The following ARID1B variants were observed in gnomAD, a reference collection of about 807,000 sequenced individuals.
ARID1B encodes AT-rich interaction domain 1B, also known as AT-rich interactive domain-containing protein 1B.
Under a neutral mutation model 212.3 loss-of-function variants are expected in ARID1B, and 30 were observed. That is an observed-to-expected ratio of 0.14 (90% CI 0.11 to 0.19). ARID1B has a LOEUF of 0.19. Ranked by LOEUF, ARID1B falls within the 10% of genes least tolerant of loss-of-function variation. The pLI is 1.00. For missense variants in ARID1B, 2,891 were observed against 3,204.0 expected (o/e 0.90, Z 2.36); for synonymous variants, 1,402 against 1,301.7 (o/e 1.08, Z -1.66).
At chr6:156,806,496 A>G (rs1279464582) in intron 1 of ARID1B, among the ~76,000 whole-genome samples, 1 of 152,172 alleles carries the variant, frequency 6.6e-6, no homozygotes, top group South Asian at 2.1e-4. Flanking sequence ...TTAAATGGGG[A>G]TTGTTTGGTT....
At chr6:157,202,092 A>G (rs1794152911) in intron 18 of ARID1B, among the ~76,000 whole-genome samples, 1 of 152,250 alleles carries the variant, frequency 6.6e-6, no homozygotes, top group Non-Finnish European at 1.5e-5. Context: ...ATGGTATGAC[A>G]TAAAGAATAT....
At chr6:156,946,965 T>TTGG (rs1442670961) in intron 4 of ARID1B, among the ~76,000 whole-genome samples, 3 of 152,230 alleles carry the variant, frequency 2.0e-5, no homozygotes, top group Non-Finnish European at 4.4e-5. Context: ...TAAATTAGAA[T>TTGG]TGATGTTGAA....
chr6:156,994,025 G>A (rs992889577), intron 4 of ARID1B, among the ~76,000 whole-genome samples: 4 of 152,222 alleles, frequency 2.6e-5, no homozygotes, highest in Non-Finnish European at 5.9e-5. Flanking sequence ...ATGTAGGAAC[G>A]TGAAGTTTGT....
At chr6:157,000,697 T>C (rs1338888949) in intron 4 of ARID1B, among the ~76,000 whole-genome samples, 1 of 7,902 alleles carries the variant, frequency 1.3e-4, no homozygotes, top group Non-Finnish European at 1.9e-4. Flanking sequence ...CTAATTATTC[T>C]TTTTTTTTTT....
intron 4 of ARID1B, among the ~76,000 whole-genome samples, chr6:157,077,061 A>G (rs944716804): frequency 6.6e-6 from 1 of 152,232 alleles, no homozygotes; most frequent in African/African-American, 2.4e-5. Context: ...TGATTCTCAC[A>G]TGGACCTGAA....
At position 157,148,529 on chromosome 6, in the gene ARID1B, C is replaced by G; in HGVS notation, c.2762-95C>G. ...GCCTATAACGGTCATGACTAATACT[C>G]CGTGCTGATCGCATTGTTGGACAAA... On this transcript the variant is annotated intron_variant, in intron 7 of 19. Coordinates refer to ENST00000636930, the MANE Select transcript of ARID1B (RefSeq NM_001374828.1). This position sits in a 1 kb window ranked among gnomAD's most constrained non-coding sequence, Gnocchi z 5.6. The G allele has an allele frequency of 2.2e-6, 3 of 1,364,024 alleles. 1 individual carries two copies. The South Asian group carries it at 4.0e-5, about 18-fold the overall frequency. The allele number at this position is 1,364,024 out of a possible 1,614,324, so 84.5% of individuals were successfully genotyped here.
At position 157,206,347 on chromosome 6, in the gene ARID1B, G is replaced by C; in HGVS notation, c.5575G>C (p.Glu1859Gln). Residue 1859 changes from glutamate to glutamine, a missense_variant, in exon 20 of 20, where the codon GAA becomes CAA. Around this residue, in one of 7 missense-constraint regions of ARID1B, gnomAD observed 332 missense variants for 369.2 expected, o/e 0.90. Transcript: ENST00000636930. This position sits in a 1 kb window ranked among gnomAD's most constrained non-coding sequence, Gnocchi z 6.8. The part of the protein sequence containing the change: ...DDSGKEEEDA[E>Q]CIDDDEEDEE... ...TTCTGGGAAAGAGGAGGAAGATGCT[G>C]AATGTATTGATGACGACGAGGAAGA... is the stretch of plus-strand genomic sequence containing the variant. 6.2e-7 allele frequency: 1 copy of C among 1,614,206 alleles called. No individual in the cohort carries two copies. The highest frequency in any genetic ancestry group is 8.5e-7 in the Non-Finnish European group (1 of 1,180,050).
At chr6:156,958,469 C>T (rs936835832) in intron 4 of ARID1B, among the ~76,000 whole-genome samples, 1 of 152,134 alleles carries the variant, frequency 6.6e-6, no homozygotes, top group African/African-American at 2.4e-5. Flanking sequence ...TTTATGAATT[C>T]ATTTTGTTAA....
chr6:156,963,663 C>T (rs1794550610), intron 4 of ARID1B, among the ~76,000 whole-genome samples: 1 of 152,132 alleles, frequency 6.6e-6, no homozygotes, highest in African/African-American at 2.4e-5. Context: ...GAAAATGGAT[C>T]AAATGCTACA....
chr6:156,845,813 T>G (rs1784192617), intron 2 of ARID1B, among the ~76,000 whole-genome samples: 1 of 152,192 alleles, frequency 6.6e-6, no homozygotes, highest in South Asian at 2.1e-4. Context: ...TCATTTGTTC[T>G]TACTATCTAT....
chr6:157,181,745 T>C (rs1039602916), intron 12 of ARID1B, among the ~76,000 whole-genome samples: 1 of 152,178 alleles, frequency 6.6e-6, no homozygotes, highest in African/African-American at 2.4e-5. Context: ...GTGTGCTTGC[T>C]TGACTCTCAG....
In ARID1B at chr6:156,896,966, A is replaced by G. The variant is rs756406379; in HGVS notation, c.1987-4410A>G. On this transcript the variant is annotated intron_variant, in intron 2 of 19. Transcript: ENST00000636930. Reference sequence around the variant, plus strand: ...CACTCATTTTGGAGGATGAGCAAAAAGTTCAGGGTATGGTGAAATGAAAAA... The same window carrying G: ...CACTCATTTTGGAGGATGAGCAAAAGGTTCAGGGTATGGTGAAATGAAAAA... 1.1e-4 allele frequency among the ~76,000 whole-genome samples: 17 copies of G among 152,184 alleles called. 1 individual carries two copies. Among genetic ancestry groups the G allele is most frequent in the South Asian group, 8.3e-4 (4 of 4,826 alleles).
chr6:157,086,262 G>A (rs540276275), intron 5 of ARID1B, among the ~76,000 whole-genome samples: 91 of 152,224 alleles, frequency 6.0e-4, no homozygotes, highest in African/African-American at 2.1e-3. Context: ...ATAGGTATAC[G>A]CTCAGTGCAT....
rs550885904 is a variant in ARID1B, at chr6:157,080,731, G to T, written c.2248-3931G>T. On this transcript the variant is annotated intron_variant, in intron 4 of 19. Coordinates refer to ENST00000636930, the MANE Select transcript of ARID1B (RefSeq NM_001374828.1). Reference sequence around the variant, plus strand: ...AAGCACAGTGAAATCTCTTGTACTTGTCACTAGGGTTAGAATGAAAATTTT... The same window carrying T: ...AAGCACAGTGAAATCTCTTGTACTTTTCACTAGGGTTAGAATGAAAATTTT... 1.1e-4 allele frequency among the ~76,000 whole-genome samples: 16 copies of T among 152,308 alleles called. No individual in the cohort carries two copies. The South Asian group carries it at 3.1e-3, about 30-fold the overall frequency.
chr6:156,784,220 A>G (rs776115448), intron 1 of ARID1B, among the ~76,000 whole-genome samples: 2 of 151,656 alleles, frequency 1.3e-5, no homozygotes, highest in Non-Finnish European at 2.9e-5. Context: ...TTCTCTGTGG[A>G]TATGTAAAGT....
chr6:157,155,104 G>T (rs1790491263), intron 8 of ARID1B, among the ~76,000 whole-genome samples: 1 of 152,060 alleles, frequency 6.6e-6, no homozygotes, highest in South Asian at 2.1e-4. Flanking sequence ...TACATGCTTT[G>T]CACATTCCCA....
chr6:156,837,644 T>C (rs1337798497), intron 2 of ARID1B, among the ~76,000 whole-genome samples: 1 of 152,238 alleles, frequency 6.6e-6, no homozygotes, highest in African/African-American at 2.4e-5. Context: ...TTGCCCTTAT[T>C]ATAATTTTGA....
At chr6:157,013,226 G>A (rs1424880059) in intron 4 of ARID1B, among the ~76,000 whole-genome samples, 1 of 152,216 alleles carries the variant, frequency 6.6e-6, no homozygotes, top group Non-Finnish European at 1.5e-5. Context: ...TGCTGCCTAA[G>A]GCACTTTGAA....
intron 4 of ARID1B, among the ~76,000 whole-genome samples, chr6:157,031,771 A>G (rs1781027140): frequency 6.6e-6 from 1 of 152,164 alleles, no homozygotes; most frequent in South Asian, 2.1e-4. Context: ...AAAAAGTCAA[A>G]TATATTAAAA....
Sources: gnomAD v4.1 joint callset for allele counts (sites outside exome capture counted in the v4.1 genomes callset) on GRCh38, gnomAD v4.1.1 for gene constraint, gnomAD v4.1.1 regional missense constraint, Gnocchi (gnomAD v3.1) non-coding constraint, MANE v1.5 for transcripts, NCBI Gene and HGNC (gene_info 2026-07-23, HGNC 2026-07-21) for gene names.